The following ERICH6B variants were observed in gnomAD, a reference collection of about 807,000 sequenced individuals.
ERICH6B encodes glutamate rich 6B, also known as glutamate-rich protein 6B.
ERICH6B carries 69 observed loss-of-function variants against 80.0 expected under a neutral mutation model. That is an observed-to-expected ratio of 0.86 (90% CI 0.71 to 1.05). ERICH6B has a LOEUF of 1.05. ERICH6B is among the 50% of genes least tolerant of loss of function. ERICH6B has a pLI of 0.00. For synonymous variants in ERICH6B, 283 were observed against 291.9 expected (o/e 0.97, Z 0.31); for missense variants, 754 against 796.1 (o/e 0.95, Z 0.64).
intron 2 of ERICH6B, among the ~76,000 whole-genome samples, chr13:45,606,522 TATATATATATATATATATATATA>T (rs1566307719): frequency 9.3e-5 from 3 of 32,160 alleles, no homozygotes; most frequent in Non-Finnish European, 1.6e-4. Flanking sequence ...TATATATATA[TATATATATATATATATATATATA>T]TATTTTTTTT....
rs1392006302 is a variant in ERICH6B, at chr13:45,596,512, T to C, written c.494A>G (p.Glu165Gly). ...VDYLGKKAYLEEEEYLGKKSY... is the reference protein window; with the variant it reads ...VDYLGKKAYLGEEEYLGKKSY... Reference sequence around the variant, plus strand: ...TTTCTTCCCCAGATACTCCTCCTCCTCCAGATACGCTTTCTTCCCCAGATA... The same window carrying C: ...TTTCTTCCCCAGATACTCCTCCTCCCCCAGATACGCTTTCTTCCCCAGATA... The change falls in exon 3 of 15, where the codon GAG becomes GGG. Residue 165 changes from glutamate (E) to glycine (G), a missense_variant. Glu to Gly is a moderately conservative substitution (Grantham distance 98). Transcript: ENST00000298738. 2 of 1,551,974 alleles carry C rather than the reference T, an allele frequency of 1.3e-6. No homozygotes were observed. Among genetic ancestry groups the C allele is most frequent in the African/African-American group, 2.7e-5 (2 of 73,004 alleles).
chr13:45,541,785 C>T, intron 14 of ERICH6B, 105 bp from the exon 15 acceptor site: 1 of 1,010,730 alleles, frequency 9.9e-7, no homozygotes, highest in Non-Finnish European at 1.5e-6. Context: ...TTCCCTGAGC[C>T]TTCACTCGAG....
At chr13:45,587,776 AC>A (rs1875978219) in intron 4 of ERICH6B, among the ~76,000 whole-genome samples, 1 of 152,122 alleles carries the variant, frequency 6.6e-6, no homozygotes, top group Admixed American at 6.5e-5. Context: ...AAGAGGGATG[AC>A]CCTGACACAT....
chr13:45,564,941 C>G (rs369159924), intron 9 of ERICH6B, among the ~76,000 whole-genome samples: 1 of 152,158 alleles, frequency 6.6e-6, no homozygotes, highest in African/African-American at 2.4e-5. Context: ...CCCCATCAGG[C>G]GGCTCTTCAA....
chr13:45,574,866 C>T lies in ERICH6B; in HGVS notation c.1026G>A (p.Leu342=), dbSNP rs1357768166. The T allele has an allele frequency of 1.3e-6, 2 of 1,551,304 alleles. No individual in the cohort carries two copies. The highest frequency in any genetic ancestry group is 8.7e-7 in the Non-Finnish European group (1 of 1,146,794). The part of the protein sequence containing the change: ...DGITDESIDK[L]EVEDLDENFL... The stretch of plus-strand genomic sequence containing the variant: ...CGTTTTCATCTAAATCTTCCACTTC[C>T]AGCTTGTCAATGGACTCATCTGTTA... The change falls in exon 8 of 15, where the codon CTG becomes CTA. Residue 342 remains leucine (L), a synonymous_variant. Coordinates refer to ENST00000298738, the MANE Select transcript of ERICH6B (RefSeq NM_182542.3).
intron 8 of ERICH6B, among the ~76,000 whole-genome samples, chr13:45,573,886 A>C (rs977238670): frequency 1.3e-5 from 2 of 152,218 alleles, no homozygotes; most frequent in African/African-American, 4.8e-5. Flanking sequence ...AAAATGCCTG[A>C]GTTTACTTTC....
At chr13:45,551,909 C>A (rs1874239995) in intron 11 of ERICH6B, among the ~76,000 whole-genome samples, 1 of 152,128 alleles carries the variant, frequency 6.6e-6, no homozygotes, top group South Asian at 2.1e-4. Context: ...CCTTTGGAAC[C>A]AATAAATTTC....
intron 11 of ERICH6B, among the ~76,000 whole-genome samples, chr13:45,553,757 C>T (rs1874319644): frequency 6.6e-6 from 1 of 152,190 alleles, no homozygotes; most frequent in Non-Finnish European, 1.5e-5. Flanking sequence ...ATTAAGCTCC[C>T]AGCCACCTGC....
At position 45,563,872 on chromosome 13, in the gene ERICH6B, G is replaced by A. The variant is rs1031144367; in HGVS notation, c.1188-84C>T. Reference sequence around the variant, plus strand: ...CACACACAGTGCAGACAGTACTGGAGCCTGCAGAGTCTCTTTCGCAGGTGG... The same window carrying A: ...CACACACAGTGCAGACAGTACTGGAACCTGCAGAGTCTCTTTCGCAGGTGG... On this transcript the variant is annotated intron_variant, in intron 9 of 14. Coordinates refer to ENST00000298738, the MANE Select transcript of ERICH6B (RefSeq NM_182542.3). 7.8e-6 allele frequency: 9 copies of A among 1,154,248 alleles called. No individual in the cohort carries two copies. The Admixed American group carries it at 1.3e-4, about 17-fold the overall frequency. 71.5% of individuals were successfully genotyped at this position (1,154,248 alleles called of 1,614,324 possible). A position where few individuals can be genotyped will look rare whatever the true frequency, so the allele number is the denominator to read the frequency against.
intron 13 of ERICH6B, among the ~76,000 whole-genome samples, chr13:45,545,831 C>A (rs757464189): frequency 3.9e-5 from 6 of 152,178 alleles, no homozygotes; most frequent in Non-Finnish European, 7.3e-5. Context: ...CAATCTCAGC[C>A]AGCAATGTGC....
In ERICH6B at chr13:45,606,547, A is replaced by ATTTTTTTT. The variant is rs71074722; in HGVS notation, c.-59+1009_-59+1016dup. ...TATATATATATATATATATATATATATTTTTTTTTTTTTTTTTTTTTTTGG... is the reference window on the plus strand; with the variant it reads ...TATATATATATATATATATATATATATTTTTTTTTTTTTTTTTTTTTTTTTTTTTTTGG... On this transcript the variant is annotated intron_variant, in intron 2 of 14. Transcript: ENST00000298738. Among the ~76,000 whole-genome samples, 7 of 16,604 alleles carry ATTTTTTTT rather than the reference A, an allele frequency of 4.2e-4. 1 individual carries two copies. The highest frequency in any genetic ancestry group is 5.4e-4 in the African/African-American group (3 of 5,598). The allele number at this position is 16,604 out of a possible 152,430, so 10.9% of individuals were successfully genotyped here.
At position 45,544,862 on chromosome 13, in the gene ERICH6B, G is replaced by T. The variant is rs886160689; in HGVS notation, c.1770C>A (p.Ile590=). ...APPVQPISLK[I]NEYIQVQIRS... is the part of the protein sequence containing the mutation. ...TTATTTGTACCTGGATGTACTCATT[G>T]ATTTTCAAGGAGATGGGCTGGACAG... The change falls in exon 14 of 15, where the codon ATC becomes ATA. Residue 590 remains isoleucine, a synonymous_variant. Coordinates refer to ENST00000298738, the MANE Select transcript of ERICH6B (RefSeq NM_182542.3). 1.3e-6 allele frequency: 2 copies of T among 1,551,724 alleles called. No homozygotes were observed. The highest frequency in any genetic ancestry group is 1.4e-5 in the African/African-American group (1 of 73,176).
rs957304383 is a variant in ERICH6B, at chr13:45,544,747, G to A, written c.1872+13C>T. ...CCCCACCTGGTGGAGGGTATGGGGA[G>A]TTGTGACCTTACCTTGTACCTGGTG... On this transcript the variant is annotated intron_variant, in intron 14 of 14. Coordinates refer to ENST00000298738, the MANE Select transcript of ERICH6B (RefSeq NM_182542.3). 9.0e-5 allele frequency: 140 copies of A among 1,550,510 alleles called. No homozygotes were observed. Among genetic ancestry groups the A allele is most frequent in the Non-Finnish European group, 1.1e-4 (129 of 1,146,108 alleles).
In ERICH6B at chr13:45,599,282, G is replaced by A. The variant is rs180970265; in HGVS notation, c.-58-2219C>T. On this transcript the variant is annotated intron_variant, in intron 2 of 14. Transcript: ENST00000298738. ...CTGCCTGGGGCAGGGAAAGTTGGCC[G>A]TGTGGAGAGATGACAAAGATGGTAG... 2.2e-4 allele frequency among the ~76,000 whole-genome samples: 33 copies of A among 152,340 alleles called. 1 individual carries two copies. The highest frequency in any genetic ancestry group is 1.4e-3 in the Admixed American group (22 of 15,308).
At chr13:45,541,821 G>T in intron 14 of ERICH6B, 141 bp from the exon 15 acceptor site, 2 of 703,030 alleles carry the variant, frequency 2.8e-6, no homozygotes, top group Non-Finnish European at 4.7e-6. Context: ...TCTCAGCCCT[G>T]CCACCTGCCA....
chr13:45,597,078 G>C lies in ERICH6B; in HGVS notation c.-58-15C>G, dbSNP rs1371326150. 2 of 1,441,396 alleles carry C rather than the reference G, an allele frequency of 1.4e-6. No homozygotes were observed. Among genetic ancestry groups the C allele is most frequent in the Admixed American group, 2.8e-5 (1 of 35,920 alleles). 89.3% of individuals were successfully genotyped at this position (1,441,396 alleles called of 1,614,324 possible). The stretch of plus-strand genomic sequence containing the variant: ...ACTTTATTATCCTGTATCCAAGAAA[G>C]GAATAAAATCCTATTAGCCAGTAAT... On this transcript the variant is annotated splice_polypyrimidine_tract_variant and intron_variant, in intron 2 of 14. Transcript: ENST00000298738.
intron 1 of ERICH6B, among the ~76,000 whole-genome samples, chr13:45,614,627 T>C (rs937883017): frequency 8.5e-5 from 13 of 152,220 alleles, no homozygotes; most frequent in African/African-American, 2.9e-4. Flanking sequence ...TGGGTGACCC[T>C]TGGCTTTCAC....
intron 11 of ERICH6B, among the ~76,000 whole-genome samples, chr13:45,553,837 TTTAA>T (rs1238635066): frequency 1.3e-5 from 2 of 152,208 alleles, no homozygotes; most frequent in African/African-American, 2.4e-5. Flanking sequence ...TTTTTCTTTC[TTTAA>T]TTGACAATTA....
intron 1 of ERICH6B, among the ~76,000 whole-genome samples, chr13:45,608,760 G>GAGAT (rs1949883336): frequency 6.6e-6 from 1 of 152,196 alleles, no homozygotes; most frequent in Non-Finnish European, 1.5e-5. Context: ...ACACAAGGAT[G>GAGAT]AGATATTCAT....
Sources: allele counts gnomAD v4.1 joint callset (sites outside exome capture counted in the v4.1 genomes callset), GRCh38; gene constraint gnomAD v4.1.1; transcripts MANE v1.5; gene names NCBI Gene and HGNC (gene_info 2026-07-23, HGNC 2026-07-21).